Variants in LYST observed in about 807,000 individuals in gnomAD.
LYST encodes lysosomal trafficking regulator.
In LYST, 192 loss-of-function variants were observed where a neutral mutation model predicts 413.6. That is an observed-to-expected ratio of 0.46 (90% CI 0.41 to 0.52). LYST has a LOEUF of 0.52. Among genes scored for constraint, LYST ranks in the 20% least tolerant of loss-of-function variants. LYST has a pLI of 0.00. For synonymous variants in LYST, 1,525 were observed against 1,567.3 expected, an observed-to-expected ratio of 0.97 and a Z score of 0.64; for missense variants, 3,815 against 4,499.9, an observed-to-expected ratio of 0.85 and a Z score of 4.35.
intron 50 of LYST, among the ~76,000 whole-genome samples, chr1:235,670,636 T>G (rs558033435): frequency 1.3e-5 from 2 of 152,294 alleles, no homozygotes; most frequent in Admixed American, 6.5e-5. Context: ...CAAGTAATTC[T>G]GTGCACAGAC....
chr1:235,730,559 A>G (rs1351592768), intron 36 of LYST, among the ~76,000 whole-genome samples: 5 of 138,574 alleles, frequency 3.6e-5, no homozygotes, highest in Non-Finnish European at 7.6e-5. Context: ...ATATATATAC[A>G]TATTTATATG....
At chr1:235,835,703 G>T (rs1009171701) in intron 1 of LYST, among the ~76,000 whole-genome samples, 1 of 152,088 alleles carries the variant, frequency 6.6e-6, no homozygotes, top group African/African-American at 2.4e-5. Context: ...CATTCTAGGT[G>T]TCCAGAACAT....
chr1:235,783,567 G>A (rs1261749624), intron 14 of LYST, among the ~76,000 whole-genome samples: 1 of 152,022 alleles, frequency 6.6e-6, no homozygotes, highest in East Asian at 1.9e-4. Flanking sequence ...GTTGATGGGT[G>A]CAGCAAACCA....
intron 39 of LYST, among the ~76,000 whole-genome samples, chr1:235,721,684 G>A (rs554084193): frequency 6.6e-6 from 1 of 152,292 alleles, no homozygotes; most frequent in South Asian, 2.1e-4. Flanking sequence ...ACAGAGAATA[G>A]AACATCCTAA....
At chr1:235,837,349 C>G (rs771416000) in intron 1 of LYST, among the ~76,000 whole-genome samples, 1 of 152,056 alleles carries the variant, frequency 6.6e-6, no homozygotes, top group Non-Finnish European at 1.5e-5. Context: ...AGAAAGCTGG[C>G]GGGTGCAGTG....
intron 10 of LYST, among the ~76,000 whole-genome samples, chr1:235,796,028 G>C (rs566478013): frequency 6.6e-6 from 1 of 151,864 alleles, no homozygotes; most frequent in African/African-American, 2.4e-5. Context: ...AAAAGGTTGG[G>C]ATTGAAAAAA....
chr1:235,856,867 T>C (rs1351402396), intron 1 of LYST, among the ~76,000 whole-genome samples: 1 of 151,798 alleles, frequency 6.6e-6, no homozygotes, highest in Admixed American at 6.6e-5. Flanking sequence ...GTCTAGACAC[T>C]TAAATATGAA....
chr1:235,728,002 C>T (rs1001445835), intron 38 of LYST, 74 bp downstream of exon 38: 16 of 1,056,386 alleles, frequency 1.5e-5, no homozygotes, highest in Non-Finnish European at 2.4e-5. Flanking sequence ...TTCCTTCTCT[C>T]TAGTTATACT....
chr1:235,829,959 A>G, intron 3 of LYST: 1 of 313,940 alleles, frequency 3.2e-6, no homozygotes, highest in Non-Finnish European at 5.9e-6. Context: ...AACCATAGTT[A>G]TCTCACTGAT....
chr1:235,736,084 CAT>C (rs1372532046), intron 31 of LYST: 1 of 152,092 alleles, frequency 6.6e-6, no homozygotes, highest in East Asian at 1.9e-4. Context: ...AAAGGAAACA[CAT>C]GATTTTCTTA....
chr1:235,724,327 C>T (rs965417332), intron 38 of LYST, 147 bp from the exon 39 acceptor site: 4 of 645,184 alleles, frequency 6.2e-6, no homozygotes, highest in Non-Finnish European at 1.1e-5. Context: ...TCTCCCAATG[C>T]AAAACACCTC....
Position 235,662,899 on chromosome 1 carries a change from T to G in LYST, c.*41A>C. ...ACTGGTGAAGTCAACAAATCTAGTT[T>G]GGAGTTAAAGTGCTTTGGAGAACGT... On this transcript the variant is annotated 3_prime_UTR_variant, in exon 53 of 53. Transcript: ENST00000389793. 9.0e-7 allele frequency: 1 copy of G among 1,115,572 alleles called. No individual in the cohort carries two copies. The highest frequency in any genetic ancestry group is 1.4e-6 in the Non-Finnish European group (1 of 724,266). The allele number at this position is 1,115,572 out of a possible 1,614,324, so 69.1% of individuals were successfully genotyped here.
At chr1:235,695,209 A>G (rs1488514001) in intron 46 of LYST, among the ~76,000 whole-genome samples, 1 of 152,240 alleles carries the variant, frequency 6.6e-6, no homozygotes, top group Non-Finnish European at 1.5e-5. Flanking sequence ...ACATTATTGT[A>G]TTGAATCCTT....
intron 12 of LYST, 149 bp from the exon 13 acceptor site, chr1:235,788,994 T>C: frequency 1.4e-6 from 1 of 738,922 alleles, no homozygotes; most frequent in Non-Finnish European, 2.4e-6. Context: ...TAAACAACCA[T>C]ATTTTCAGAG....
In LYST at chr1:235,757,415, C is replaced by T. The variant is rs1293452195; in HGVS notation, c.6925G>A (p.Glu2309Lys). Reference sequence around the variant, plus strand: ...ATAAGAAGAACCCCACTTAGGAGTTCATATAATCCACAGCATATAGGTACC... The same window carrying T: ...ATAAGAAGAACCCCACTTAGGAGTTTATATAATCCACAGCATATAGGTACC... ...CLVPICCGLYELLSGVLLILP... is the reference protein window; with the variant it reads ...CLVPICCGLYKLLSGVLLILP... The change falls in exon 24 of 53, where the codon GAA becomes AAA. Residue 2309 changes from glutamate (E) to lysine (K), a missense_variant. This residue lies in a region of LYST where 771 missense variants were observed against 837.1 expected (regional missense o/e 0.92). Coordinates refer to ENST00000389793, the MANE Select transcript of LYST (RefSeq NM_000081.4). 1 of 1,613,510 alleles carries T rather than the reference C, an allele frequency of 6.2e-7. No individual in the cohort carries two copies. The highest frequency in any genetic ancestry group is 8.5e-7 in the Non-Finnish European group (1 of 1,179,714).
rs535792042 is a variant in LYST at position 235,810,354 on chromosome 1, A to T, written c.464T>A (p.Val155Glu). The stretch of plus-strand genomic sequence containing the variant: ...GAGCTGTGTCTTTCTTGCATCTCTT[A>T]CAGAATAGCGATGGGTAATTTTACG... ...RQRKITHRYS[V>E]RDARKTQLST... The change falls in exon 5 of 53, where the codon GTA becomes GAA. Residue 155 changes from valine (V) to glutamate (E), a missense_variant. Coordinates refer to ENST00000389793, the MANE Select transcript of LYST (RefSeq NM_000081.4). 7 of 1,614,064 alleles carry T rather than the reference A, an allele frequency of 4.3e-6. No homozygotes were observed. The South Asian group carries it at 7.7e-5, about 18-fold the overall frequency.
At chr1:235,882,476 G>A (rs1456416049) in intron 1 of LYST, among the ~76,000 whole-genome samples, 1 of 152,218 alleles carries the variant, frequency 6.6e-6, no homozygotes, top group African/African-American at 2.4e-5. Flanking sequence ...TTCAGAAAGA[G>A]AATGTGGGCA....
At chr1:235,690,738 T>C (rs1227400427) in intron 47 of LYST, among the ~76,000 whole-genome samples, 2 of 152,164 alleles carry the variant, frequency 1.3e-5, no homozygotes, top group East Asian at 1.9e-4. Context: ...GGATACATTT[T>C]AGGACACATG....
At chr1:235,791,589 T>C (rs1222527987) in intron 12 of LYST, 110 bp downstream of exon 12, 3 of 894,536 alleles carry the variant, frequency 3.4e-6, no homozygotes, top group African/African-American at 3.3e-5. Flanking sequence ...GCATTTAAGG[T>C]GAAGAACATG....
Sources: gnomAD v4.1 joint callset for allele counts (sites outside exome capture counted in the v4.1 genomes callset) on GRCh38, gnomAD v4.1.1 for gene constraint, gnomAD v4.1.1 regional missense constraint, MANE v1.5 for transcripts, NCBI Gene and HGNC (gene_info 2026-07-23, HGNC 2026-07-21) for gene names.